FAM193A: variants seen among roughly 807,000 people sequenced by gnomAD.
FAM193A encodes protein FAM193A.
In FAM193A, 22 loss-of-function variants were observed where a neutral mutation model predicts 126.5. The observed-to-expected ratio is 0.17, with a 90% CI of 0.12 to 0.25. The LOEUF (loss-of-function observed/expected upper bound fraction) is 0.25. FAM193A is among the 10% of genes least tolerant of loss of function. The probability of loss-of-function intolerance (pLI) is 1.00; values close to 1 mark genes in which losing one functional copy is unlikely to be tolerated. For missense variants in FAM193A, 1,675 were observed against 1,672.8 expected, an observed-to-expected ratio of 1.00 and a Z score of -0.02; for synonymous variants, 761 against 646.8, an observed-to-expected ratio of 1.18 and a Z score of -2.68.
At chr4:2,560,398 C>CTCGG (rs1738538372) in intron 1 of FAM193A, among the ~76,000 whole-genome samples, 1 of 152,174 alleles carries the variant, frequency 6.6e-6, no homozygotes, top group Admixed American at 6.5e-5. Context: ...CCTGTCCTGG[C>CTCGG]TCGGCCACAC....
chr4:2,676,126 T>C (rs969469090), intron 13 of FAM193A, among the ~76,000 whole-genome samples: 3 of 152,268 alleles, frequency 2.0e-5, no homozygotes, highest in Non-Finnish European at 4.4e-5. Flanking sequence ...TTCAGTTGTT[T>C]GGGGTGTGTA....
At position 2,694,950 on chromosome 4, in the gene FAM193A, C is replaced by G. The variant is rs1716863924; in HGVS notation, c.3097C>G (p.Pro1033Ala). The change falls in exon 17 of 21, where the codon CCT (proline) becomes GCT (alanine). Residue 1033 changes from proline to alanine, a missense_variant. Coordinates refer to ENST00000637812, the MANE Select transcript of FAM193A (RefSeq NM_001366318.2). ...AGCTTGTATGCGGTTTTGCAGTGAC[C>G]CTGACTGCGAAGGGCACCGCTGCGA... The part of the protein sequence containing the change: ...ISAPPSVCSD[P>A]DCEGHRCENG... 2.5e-6 allele frequency: 4 copies of G among 1,596,004 alleles called. No individual in the cohort carries two copies. In the South Asian group the frequency reaches 4.6e-5, roughly 18 times the overall value.
At chr4:2,698,504 AT>A (rs1377756791) in intron 18 of FAM193A, among the ~76,000 whole-genome samples, 1 of 152,230 alleles carries the variant, frequency 6.6e-6, no homozygotes, top group African/African-American at 2.4e-5. Flanking sequence ...GTCAAATGAA[AT>A]TTTTAATAAC....
At chr4:2,683,632 A>G (rs1715409876) in intron 13 of FAM193A, among the ~76,000 whole-genome samples, 1 of 152,230 alleles carries the variant, frequency 6.6e-6, no homozygotes, top group Non-Finnish European at 1.5e-5. Flanking sequence ...CAGGTTGAAT[A>G]GAATATGTCT....
At position 2,694,964 on chromosome 4, in the gene FAM193A, G is replaced by C. The variant is rs1297880244; in HGVS notation, c.3111G>C (p.Gly1037=). ...TTTGCAGTGACCCTGACTGCGAAGG[G>C]CACCGCTGCGAGAATGGTGTCTACG... ...PSVCSDPDCE[G]HRCENGVYDP... Residue 1037 remains glycine (G), a synonymous_variant, in exon 17 of 21, where the codon GGG becomes GGC. Coordinates refer to ENST00000637812, the MANE Select transcript of FAM193A (RefSeq NM_001366318.2). 3.7e-6 allele frequency: 6 copies of C among 1,601,968 alleles called. No homozygotes were observed. The highest frequency in any genetic ancestry group is 5.1e-6 in the Non-Finnish European group (6 of 1,175,164).
intron 5 of FAM193A, among the ~76,000 whole-genome samples, chr4:2,632,194 C>G (rs1228975979): frequency 1.3e-5 from 2 of 152,026 alleles, no homozygotes; most frequent in African/African-American, 4.8e-5. Context: ...TAGTGGTAAA[C>G]CTACATTTTG....
At position 2,659,558 on chromosome 4, in the gene FAM193A, T is replaced by C; in HGVS notation, c.1390T>C (p.Leu464=). 6.2e-7 allele frequency: 1 copy of C among 1,609,098 alleles called. No homozygotes were observed. Among genetic ancestry groups the C allele is most frequent in the Admixed American group, 1.7e-5 (1 of 59,998 alleles). The change falls in exon 9 of 21, where the codon TTA becomes CTA. Residue 464 remains leucine, a splice_region_variant and synonymous_variant. Transcript: ENST00000637812. ...FKQRRFIEEQ[L]TNKKAVTGEN... The stretch of plus-strand genomic sequence containing the variant: ...TAAAGCATTTTAAAATTTCCTCTAG[T>C]TAACCAATAAGAAAGCAGTTACTGG...
intron 19 of FAM193A, among the ~76,000 whole-genome samples, chr4:2,713,921 G>C (rs554404464): frequency 6.6e-6 from 1 of 152,256 alleles, no homozygotes; most frequent in African/African-American, 2.4e-5. Flanking sequence ...TAGTGTGGTT[G>C]TTGTAAAAAA....
intron 20 of FAM193A, among the ~76,000 whole-genome samples, chr4:2,725,678 T>C (rs923659558): frequency 2.0e-5 from 3 of 151,532 alleles, no homozygotes; most frequent in Admixed American, 2.0e-4. Context: ...TCACTATCAA[T>C]ATAATTTCTG....
Position 2,727,927 on chromosome 4 carries a change from TA to T in FAM193A, c.4455-3835del, listed in dbSNP as rs57124845. Among the ~76,000 whole-genome samples the T allele has an allele frequency of 3.0e-3, 436 of 145,542 alleles. 1 individual carries two copies. Among genetic ancestry groups the T allele is most frequent in the African/African-American group, 7.8e-3 (312 of 40,054 alleles). On this transcript the variant is annotated intron_variant, in intron 20 of 20. Transcript: ENST00000637812. ...AGATGCGCCACCATGCCTAGCTAAT[TA>T]AAAAAAAAAAAATTATTTTATTTAT...
chr4:2,567,423 ACT>A (rs1219529157), intron 1 of FAM193A, among the ~76,000 whole-genome samples: 5 of 152,164 alleles, frequency 3.3e-5, no homozygotes, highest in African/African-American at 9.7e-5. Flanking sequence ...AGTAAAACTG[ACT>A]CTCTAAATAA....
At chr4:2,676,199 C>T (rs1714385230) in intron 13 of FAM193A, among the ~76,000 whole-genome samples, 1 of 152,190 alleles carries the variant, frequency 6.6e-6, no homozygotes, top group African/African-American at 2.4e-5. Context: ...GGAACTGCCA[C>T]CGTTTCCTAC....
intron 19 of FAM193A, chr4:2,708,361 G>C (rs1354004616): frequency 5.1e-6 from 1 of 195,824 alleles, no homozygotes; most frequent in Non-Finnish European, 1.1e-5. Context: ...CTGACCTCAG[G>C]TGATCCACCC....
At chr4:2,686,876 A>G (rs1056315740) in intron 13 of FAM193A, among the ~76,000 whole-genome samples, 1 of 152,170 alleles carries the variant, frequency 6.6e-6, no homozygotes, top group Non-Finnish European at 1.5e-5. Flanking sequence ...CTTTTTGTCA[A>G]TTACTTCTCA....
chr4:2,608,172 C>T, intron 2 of FAM193A: 1 of 1,550,898 alleles, frequency 6.4e-7, no homozygotes, highest in Non-Finnish European at 8.8e-7. Flanking sequence ...TTTAAAATAC[C>T]AAGAGGACTT....
chr4:2,699,685 G>A lies in FAM193A; in HGVS notation c.3513G>A (p.Glu1171=). Reference sequence around the variant, plus strand: ...CCTTCTTTTTGCATTGGCAGCTGGAGGAGAAAGCTCGCCTAGAAGCAGAGG... The same window carrying A: ...CCTTCTTTTTGCATTGGCAGCTGGAAGAGAAAGCTCGCCTAGAAGCAGAGG... The part of the protein sequence containing the change: ...KRARHKQRKL[E]EKARLEAEAR... Residue 1171 remains glutamate, a synonymous_variant, in exon 19 of 21, where the codon GAG becomes GAA. Coordinates refer to ENST00000637812, the MANE Select transcript of FAM193A (RefSeq NM_001366318.2). 2 of 1,590,892 alleles carry A rather than the reference G, an allele frequency of 1.3e-6. No homozygotes were observed. The highest frequency in any genetic ancestry group is 8.5e-7 in the Non-Finnish European group (1 of 1,171,468).
chr4:2,569,968 C>A (rs181857193), intron 1 of FAM193A, among the ~76,000 whole-genome samples: 2 of 152,086 alleles, frequency 1.3e-5, no homozygotes, highest in Non-Finnish European at 2.9e-5. Context: ...AATTTGATTT[C>A]GTCTCATTCA....
At chr4:2,682,178 G>GTT (rs1378043990) in intron 13 of FAM193A, among the ~76,000 whole-genome samples, 2 of 151,644 alleles carry the variant, frequency 1.3e-5, no homozygotes, top group East Asian at 3.9e-4. Context: ...TAAAGACAGG[G>GTT]TTTCACCATG....
intron 19 of FAM193A, among the ~76,000 whole-genome samples, chr4:2,711,842 G>C (rs919505351): frequency 6.6e-6 from 1 of 151,952 alleles, no homozygotes; most frequent in Non-Finnish European, 1.5e-5. Flanking sequence ...CAGAAGAATC[G>C]CTTGAATTTG....
Sources: gnomAD v4.1 joint callset for allele counts (sites outside exome capture counted in the v4.1 genomes callset) on GRCh38, gnomAD v4.1.1 for gene constraint, MANE v1.5 for transcripts, NCBI Gene and HGNC (gene_info 2026-07-23, HGNC 2026-07-21) for gene names.